P2RY14: variants seen among roughly 807,000 people sequenced by gnomAD.
The protein encoded by P2RY14 is purinergic receptor P2Y14, also known as P2Y purinoceptor 14.
In P2RY14, 2 loss-of-function variants were observed where a neutral mutation model predicts 0.9. The ratio of observed to expected loss-of-function variants is 2.16; its 90% CI spans 0.88 to 6.79. The LOEUF is 6.79. Ranked by LOEUF, P2RY14 falls within the 30% of genes most tolerant of loss-of-function variation. The pLI is 0.05. For missense variants in P2RY14, 378 were observed against 400.1 expected (o/e 0.94, Z 0.47); for synonymous variants, 158 against 147.2 (o/e 1.07, Z -0.53).
intron 1 of P2RY14, among the ~76,000 whole-genome samples, chr3:151,256,124 A>G (rs1483086819): frequency 6.6e-6 from 1 of 152,252 alleles, no homozygotes; most frequent in Non-Finnish European, 1.5e-5. Context: ...TGTTATGGAA[A>G]GAGCCAAATT....
chr3:151,261,167 C>G (rs1208821028), intron 1 of P2RY14, among the ~76,000 whole-genome samples: 2 of 151,848 alleles, frequency 1.3e-5, no homozygotes, highest in Admixed American at 6.6e-5. Flanking sequence ...TTATACTGTT[C>G]CCCATTCTCT....
At chr3:151,254,736 T>G (rs894311335) in intron 1 of P2RY14, among the ~76,000 whole-genome samples, 1 of 152,230 alleles carries the variant, frequency 6.6e-6, no homozygotes, top group African/African-American at 2.4e-5. Flanking sequence ...CAGAGGAGAT[T>G]CGTGTTGACA....
intron 1 of P2RY14, among the ~76,000 whole-genome samples, chr3:151,272,186 C>G (rs1290708108): frequency 6.6e-6 from 1 of 152,168 alleles, no homozygotes; most frequent in Non-Finnish European, 1.5e-5. Flanking sequence ...AAAAGGCTTT[C>G]TGGACAATAG....
intron 1 of P2RY14, among the ~76,000 whole-genome samples, chr3:151,240,554 AAAAAC>A (rs1335749500): frequency 6.6e-6 from 1 of 152,222 alleles, no homozygotes; most frequent in Non-Finnish European, 1.5e-5. Flanking sequence ...GAAAGAGCTA[AAAAAC>A]AAAACAAAAG....
intron 1 of P2RY14, among the ~76,000 whole-genome samples, chr3:151,239,435 G>A (rs952588195): frequency 6.6e-6 from 1 of 152,162 alleles, no homozygotes; most frequent in African/African-American, 2.4e-5. Flanking sequence ...CATTTTGCAA[G>A]AGATTGGACA....
intron 2 of P2RY14, among the ~76,000 whole-genome samples, chr3:151,216,615 G>A (rs1381410490): frequency 6.6e-6 from 1 of 152,174 alleles, no homozygotes; most frequent in African/African-American, 2.4e-5. Flanking sequence ...TAGAAGGAAT[G>A]AGTACCCCAA....
intron 1 of P2RY14, among the ~76,000 whole-genome samples, chr3:151,238,109 TAAA>T (rs1363933781): frequency 6.6e-6 from 1 of 152,028 alleles, no homozygotes; most frequent in Non-Finnish European, 1.5e-5. Context: ...TTTTCTGTCC[TAAA>T]GTTTAGAACA....
chr3:151,262,988 C>G (rs1405910364), intron 1 of P2RY14, among the ~76,000 whole-genome samples: 1 of 152,120 alleles, frequency 6.6e-6, no homozygotes, highest in Non-Finnish European at 1.5e-5. Context: ...GGCATCTTAA[C>G]ATGTACCCTC....
intron 1 of P2RY14, among the ~76,000 whole-genome samples, chr3:151,260,672 A>G (rs1186551952): frequency 1.3e-5 from 2 of 152,098 alleles, no homozygotes; most frequent in Non-Finnish European, 2.9e-5. Flanking sequence ...TTTTAATGAC[A>G]TTTTACATAA....
At chr3:151,267,943 G>T (rs956484221) in intron 1 of P2RY14, among the ~76,000 whole-genome samples, 1 of 152,112 alleles carries the variant, frequency 6.6e-6, no homozygotes, top group African/African-American at 2.4e-5. Context: ...CTTAAGAAAT[G>T]CGCTATTATC....
chr3:151,268,740 A>C (rs1423872866), intron 1 of P2RY14, among the ~76,000 whole-genome samples: 1 of 152,206 alleles, frequency 6.6e-6, no homozygotes, highest in Non-Finnish European at 1.5e-5. Flanking sequence ...TTTACAAAGC[A>C]CTTGTTCTCT....
intron 1 of P2RY14, among the ~76,000 whole-genome samples, chr3:151,224,244 T>A (rs1266972796): frequency 2.0e-5 from 3 of 152,080 alleles, no homozygotes; most frequent in East Asian, 1.9e-4. Context: ...TTTTATATAT[T>A]TTTTTTCCTT....
intron 1 of P2RY14, among the ~76,000 whole-genome samples, chr3:151,224,475 G>A (rs1401639230): frequency 6.6e-6 from 1 of 150,988 alleles, no homozygotes; most frequent in Admixed American, 6.6e-5. Flanking sequence ...CAATGTGATC[G>A]CCTATGCGGT....
chr3:151,219,891 A>AC lies in P2RY14; in HGVS notation c.-132-250dup, dbSNP rs141293857. Among the ~76,000 whole-genome samples the AC allele has an allele frequency of 5.3e-3, 490 of 92,068 alleles. 4 individuals are homozygous for AC. The highest frequency in any genetic ancestry group is 0.015 in the African/African-American group (310 of 20,734). 60.4% of individuals were successfully genotyped at this position (92,068 alleles called of 152,430 possible). On this transcript the variant is annotated intron_variant, in intron 1 of 2. Transcript: ENST00000309170. ...GTGGTTTTGGTTATTGGTTTATATT[A>AC]CCCCCCCCCCCCCCTTGGATATGGA...
intron 1 of P2RY14, among the ~76,000 whole-genome samples, chr3:151,258,315 T>G (rs1738209552): frequency 6.6e-6 from 1 of 152,256 alleles, no homozygotes; most frequent in Non-Finnish European, 1.5e-5. Context: ...TCTTTAATTC[T>G]GTTTGTTGTC....
intron 1 of P2RY14, among the ~76,000 whole-genome samples, chr3:151,253,431 G>A (rs906180642): frequency 3.0e-4 from 46 of 152,268 alleles, no homozygotes; most frequent in African/African-American, 1.0e-3. Flanking sequence ...CACACCTTCT[G>A]TTCTCCCTCC....
At position 151,212,168 on chromosome 3, in the gene P2RY14, A is replaced by G. The variant is rs1229931176; in HGVS notation, c.*1132T>C. 6 of 152,242 alleles carry G rather than the reference A, an allele frequency of 3.9e-5. No individual in the cohort carries two copies. The highest frequency in any genetic ancestry group is 3.9e-4 in the Admixed American group (6 of 15,288). 9.4% of individuals were successfully genotyped at this position (152,242 alleles called of 1,614,324 possible). On this transcript the variant is annotated 3_prime_UTR_variant, in exon 3 of 3. Coordinates refer to ENST00000309170, the MANE Select transcript of P2RY14 (RefSeq NM_014879.4). ...ATATAGACAGTAAAGCATGAAATAGATACAAACATTACTTATAAAAATGTT... is the reference window on the plus strand; with the variant it reads ...ATATAGACAGTAAAGCATGAAATAGGTACAAACATTACTTATAAAAATGTT...
At position 151,260,462 on chromosome 3, in the gene P2RY14, A is replaced by G. The variant is rs574939395; in HGVS notation, c.-133+17825T>C. On this transcript the variant is annotated intron_variant, in intron 1 of 2. Coordinates refer to ENST00000309170, the MANE Select transcript of P2RY14 (RefSeq NM_014879.4). ...ACTCCTGGGTTTAAGCAGTCCTCCC[A>G]TATTAGCCTCCCAAGTAGCTGGGAC... 3.3e-5 allele frequency among the ~76,000 whole-genome samples: 5 copies of G among 152,182 alleles called. No homozygotes were observed. In the South Asian group the frequency reaches 1.0e-3, roughly 32 times the overall value.
intron 1 of P2RY14, among the ~76,000 whole-genome samples, chr3:151,274,899 G>A (rs964756274): frequency 6.6e-6 from 1 of 152,146 alleles, no homozygotes; most frequent in Non-Finnish European, 1.5e-5. Flanking sequence ...AATCAGTGTT[G>A]AATGAATAAA....
Sources: allele counts gnomAD v4.1 joint callset (sites outside exome capture counted in the v4.1 genomes callset), GRCh38; gene constraint gnomAD v4.1.1; transcripts MANE v1.5; gene names NCBI Gene and HGNC (gene_info 2026-07-23, HGNC 2026-07-21).